The following SH2D4A variants were observed in gnomAD, a reference collection of about 807,000 sequenced individuals.
The protein encoded by SH2D4A is SH2 domain-containing protein 4A.
Under a neutral mutation model 64.7 loss-of-function variants are expected in SH2D4A, and 70 were observed. The ratio of observed to expected loss-of-function variants is 1.08; its 90% CI spans 0.89 to 1.32. SH2D4A has a LOEUF of 1.32. SH2D4A is among the 40% of genes most tolerant of loss of function. SH2D4A has a pLI of 0.00. For synonymous variants in SH2D4A, 268 were observed against 200.7 expected (o/e 1.34, Z -2.83); for missense variants, 706 against 540.1 (o/e 1.31, Z -3.04).
At chr8:19,339,506 T>TG (rs1179432877) in intron 4 of SH2D4A, among the ~76,000 whole-genome samples, 8 of 149,252 alleles carry the variant, frequency 5.4e-5, no homozygotes, top group African/African-American at 1.5e-4. Flanking sequence ...TTTTTTTTTT[T>TG]TTTTTTTCTT....
Position 19,389,999 on chromosome 8 carries a change from T to C in SH2D4A, c.1049-3319T>C, listed in dbSNP as rs148983769. On this transcript the variant is annotated intron_variant, in intron 8 of 9. Coordinates refer to ENST00000265807, the MANE Select transcript of SH2D4A (RefSeq NM_022071.4). ...GAAGCAGCACCAATGTGTCATAGCC[T>C]TTAGGGGCTGGGATGAAGACCCCTG... Among the ~76,000 whole-genome samples the C allele has an allele frequency of 3.5e-4, 54 of 152,294 alleles. 1 individual carries two copies. The East Asian group carries it at 0.01, about 28-fold the overall frequency.
chr8:19,330,362 G>T (rs2052350323), intron 2 of SH2D4A, among the ~76,000 whole-genome samples: 1 of 152,136 alleles, frequency 6.6e-6, no homozygotes, highest in Non-Finnish European at 1.5e-5. Flanking sequence ...AGAGACCATT[G>T]TCAGTGCCAC....
intron 8 of SH2D4A, among the ~76,000 whole-genome samples, chr8:19,390,751 A>C (rs2053479001): frequency 6.6e-6 from 1 of 152,186 alleles, no homozygotes; most frequent in Admixed American, 6.5e-5. Context: ...TTTGCCATCA[A>C]CATGATTGAT....
intron 8 of SH2D4A, among the ~76,000 whole-genome samples, chr8:19,392,947 TAGTC>T (rs1477380225): frequency 2.6e-5 from 4 of 152,090 alleles, no homozygotes; most frequent in African/African-American, 4.8e-5. Flanking sequence ...TTCACCGTAT[TAGTC>T]AGGATGGTCT....
chr8:19,384,664 C>T (rs1288861868), intron 8 of SH2D4A, among the ~76,000 whole-genome samples: 1 of 152,206 alleles, frequency 6.6e-6, no homozygotes, highest in Non-Finnish European at 1.5e-5. Flanking sequence ...GTTATTCTGG[C>T]TTCAGATTAT....
At chr8:19,341,103 C>G (rs1263129065) in intron 4 of SH2D4A, among the ~76,000 whole-genome samples, 1 of 152,192 alleles carries the variant, frequency 6.6e-6, no homozygotes, top group Non-Finnish European at 1.5e-5. Context: ...AATCCCCACT[C>G]TCATCGTAAC....
intron 7 of SH2D4A, among the ~76,000 whole-genome samples, chr8:19,365,814 C>T (rs879898156): frequency 5.9e-5 from 9 of 152,218 alleles, no homozygotes; most frequent in East Asian, 1.9e-4. Flanking sequence ...CAGACCGGCT[C>T]CTACAGTGTC....
intron 2 of SH2D4A, among the ~76,000 whole-genome samples, chr8:19,327,391 A>G (rs1440791045): frequency 3.3e-5 from 5 of 152,238 alleles, no homozygotes; most frequent in African/African-American, 1.2e-4. Flanking sequence ...GTATTCAACT[A>G]GGAAAAGACA....
At chr8:19,336,977 A>C (rs929468288) in intron 4 of SH2D4A, among the ~76,000 whole-genome samples, 3 of 152,202 alleles carry the variant, frequency 2.0e-5, no homozygotes, top group African/African-American at 7.2e-5. Flanking sequence ...AAATTAAAAT[A>C]GATACCACAG....
intron 2 of SH2D4A, among the ~76,000 whole-genome samples, chr8:19,328,621 C>T (rs920243295): frequency 5.3e-5 from 8 of 152,174 alleles, no homozygotes; most frequent in Admixed American, 3.9e-4. Context: ...TGAATACCCA[C>T]CACATGCCAC....
intron 7 of SH2D4A, among the ~76,000 whole-genome samples, chr8:19,367,641 T>A (rs1437992855): frequency 6.6e-6 from 1 of 152,206 alleles, no homozygotes. Context: ...ATACATAGTT[T>A]ATGAATATTT....
intron 4 of SH2D4A, among the ~76,000 whole-genome samples, chr8:19,349,774 T>A (rs995078413): frequency 1.3e-5 from 2 of 152,228 alleles, no homozygotes; most frequent in Non-Finnish European, 2.9e-5. Flanking sequence ...TTTCTTGAGA[T>A]ACAGTCTCGC....
intron 8 of SH2D4A, among the ~76,000 whole-genome samples, chr8:19,382,766 T>A (rs1368971190): frequency 7.3e-6 from 1 of 136,722 alleles, no homozygotes; most frequent in Non-Finnish European, 1.7e-5. Context: ...TTATTGACCA[T>A]CCTTTGTATG....
At chr8:19,367,134 A>G (rs980389374) in intron 7 of SH2D4A, among the ~76,000 whole-genome samples, 1 of 151,764 alleles carries the variant, frequency 6.6e-6, no homozygotes, top group African/African-American at 2.4e-5. Flanking sequence ...TATACACCAC[A>G]TTTTCTTGAT....
intron 7 of SH2D4A, among the ~76,000 whole-genome samples, chr8:19,371,510 G>A (rs1326592262): frequency 6.6e-6 from 1 of 152,034 alleles, no homozygotes; most frequent in Non-Finnish European, 1.5e-5. Flanking sequence ...ATTTGTCTCT[G>A]CACTCTGAGG....
rs1404598489 is a variant in SH2D4A at position 19,395,823 on chromosome 8, G to T, written c.*1181G>T. On this transcript the variant is annotated 3_prime_UTR_variant, in exon 10 of 10. Transcript: ENST00000265807. ...TGTTTTAAGCTGCTTAGTTCATGCTGAGTTCATGCTGACTTGTTACTATAG... is the reference window on the plus strand; with the variant it reads ...TGTTTTAAGCTGCTTAGTTCATGCTTAGTTCATGCTGACTTGTTACTATAG... 3.3e-5 allele frequency: 5 copies of T among 152,164 alleles called. No homozygotes were observed. Among genetic ancestry groups the T allele is most frequent in the African/African-American group, 4.8e-5 (2 of 41,424 alleles). 9.4% of individuals were successfully genotyped at this position (152,164 alleles called of 1,614,324 possible).
At chr8:19,377,215 C>G (rs1249750919) in intron 8 of SH2D4A, among the ~76,000 whole-genome samples, 1 of 152,182 alleles carries the variant, frequency 6.6e-6, no homozygotes. Flanking sequence ...GACCCCGTCT[C>G]TATTAAAAAT....
At chr8:19,382,800 TCTCTCTTGCTG>T (rs2053317285) in intron 8 of SH2D4A, among the ~76,000 whole-genome samples, 2 of 151,032 alleles carry the variant, frequency 1.3e-5, no homozygotes, top group South Asian at 4.2e-4. Flanking sequence ...CTCTCTCTTT[TCTCTCTTGCTG>T]CTTTTAAGAT....
At chr8:19,392,689 A>C (rs1585219327) in intron 8 of SH2D4A, among the ~76,000 whole-genome samples, 1 of 152,138 alleles carries the variant, frequency 6.6e-6, no homozygotes, top group Middle Eastern at 3.4e-3. Flanking sequence ...ACCGTCTAAC[A>C]CCTGTGTGTT....
Sources: gnomAD v4.1 joint callset for allele counts (sites outside exome capture counted in the v4.1 genomes callset) on GRCh38, gnomAD v4.1.1 for gene constraint, MANE v1.5 for transcripts, NCBI Gene and HGNC (gene_info 2026-07-23, HGNC 2026-07-21) for gene names.